The following LTN1 variants were observed in gnomAD, a reference collection of about 807,000 sequenced individuals.
LTN1 encodes E3 ubiquitin-protein ligase listerin.
A neutral mutation model predicts 201.2 loss-of-function variants in LTN1; 88 were observed. The ratio of observed to expected loss-of-function variants is 0.44; its 90% CI spans 0.37 to 0.52. The LOEUF (loss-of-function observed/expected upper bound fraction) is 0.52, where lower values mean the gene tolerates loss of function less well. Ranked by LOEUF, LTN1 falls within the 20% of genes least tolerant of loss-of-function variation. The probability of loss-of-function intolerance (pLI) is 0.00; values close to 1 mark genes in which losing one functional copy is unlikely to be tolerated. For synonymous variants in LTN1, 645 were observed against 713.5 expected (o/e 0.90, Z 1.53); for missense variants, 1,752 against 2,038.7 (o/e 0.86, Z 2.71).
rs1247647414 is a variant in LTN1 at position 28,966,481 on chromosome 21, T to A, written c.2010A>T (p.Leu670=). The change falls in exon 10 of 30, where the codon CTA becomes CTT. Residue 670 remains leucine (L), a synonymous_variant. Transcript: ENST00000361371. ...CAAAATCCTTCCTTTGATCTTCATTTAGCCAACCTATCAGTTTCTGGTATA... is the reference window on the plus strand; with the variant it reads ...CAAAATCCTTCCTTTGATCTTCATTAAGCCAACCTATCAGTTTCTGGTATA... ...QFLYQKLIGW[L]NEDQRKDFGF... is the part of the protein sequence containing the mutation. 1 of 1,614,100 alleles carries A rather than the reference T, an allele frequency of 6.2e-7. No individual in the cohort carries two copies. The highest frequency in any genetic ancestry group is 8.5e-7 in the Non-Finnish European group (1 of 1,180,038).
At chr21:28,959,972 TAA>T (rs536492491) in intron 12 of LTN1, 149 of 223,112 alleles carry the variant, frequency 6.7e-4, no homozygotes, top group Middle Eastern at 1.7e-3. Context: ...CTTTATGAGC[TAA>T]AAAAAAAAAA....
At chr21:28,983,992 T>A (rs2084677841) in intron 4 of LTN1, among the ~76,000 whole-genome samples, 1 of 152,208 alleles carries the variant, frequency 6.6e-6, no homozygotes, top group African/African-American at 2.4e-5. Flanking sequence ...GGTAACTTTT[T>A]ATGAGAAAGT....
intron 1 of LTN1, among the ~76,000 whole-genome samples, chr21:28,989,660 T>C (rs1415303130): frequency 1.3e-5 from 2 of 152,108 alleles, no homozygotes; most frequent in East Asian, 3.8e-4. Flanking sequence ...CACTTCCTTC[T>C]CCCTTCTTCA....
At position 28,971,060 on chromosome 21, in the gene LTN1, T is replaced by C. The variant is rs563268963; in HGVS notation, c.984+211A>G. Among the ~76,000 whole-genome samples the C allele has an allele frequency of 2.6e-5, 4 of 152,362 alleles. No homozygotes were observed. The East Asian group carries it at 5.8e-4, about 22-fold the overall frequency. Reference sequence around the variant, plus strand: ...TCATCTTAAATATAAAATTCAGTTATGGTGACTGCACTAGGACACATAAGG... The same window carrying C: ...TCATCTTAAATATAAAATTCAGTTACGGTGACTGCACTAGGACACATAAGG... On this transcript the variant is annotated intron_variant, in intron 7 of 29. Transcript: ENST00000361371.
In LTN1 at chr21:28,943,723, T is replaced by G; in HGVS notation, c.4164A>C (p.Pro1388=). The part of the protein sequence containing the change: ...YLQTLLNTLA[P]LLLFRARPVQ... ...CAGGCCTAGCTCTGAAGAGGAGTAA[T>G]GGGGCCAATGTATTTAACAAAGTCT... The change falls in exon 23 of 30, where the codon CCA becomes CCC. Residue 1388 remains proline, a synonymous_variant. Coordinates refer to ENST00000361371, the MANE Select transcript of LTN1 (RefSeq NM_015565.3). 3 of 1,613,840 alleles carry G rather than the reference T, an allele frequency of 1.9e-6. No individual in the cohort carries two copies. Among genetic ancestry groups the G allele is most frequent in the Non-Finnish European group, 2.5e-6 (3 of 1,179,850 alleles).
intron 9 of LTN1, among the ~76,000 whole-genome samples, chr21:28,968,348 C>T (rs1198064742): frequency 1.3e-5 from 2 of 150,596 alleles, no homozygotes; most frequent in African/African-American, 5.0e-5. Context: ...CTAGGACCCA[C>T]AGAGTGCGGA....
chr21:28,938,482 C>CA (rs2084273478), intron 25 of LTN1, among the ~76,000 whole-genome samples: 1 of 152,006 alleles, frequency 6.6e-6, no homozygotes. Flanking sequence ...TTTTTCAAAA[C>CA]AAAAAGTTAG....
Position 28,928,792 on chromosome 21 carries a change from G to C in LTN1, c.*1656C>G, listed in dbSNP as rs1481242812. On this transcript the variant is annotated 3_prime_UTR_variant, in exon 30 of 30. Coordinates refer to ENST00000361371, the MANE Select transcript of LTN1 (RefSeq NM_015565.3). ...CCATTTTCTTTTCTGCTTGGGGTTT[G>C]GGCCAGAAGCCAAGATGTACCAATA... 6.6e-6 allele frequency: 1 copy of C among 152,150 alleles called. No homozygotes were observed. Among genetic ancestry groups the C allele is most frequent in the Non-Finnish European group, 1.5e-5 (1 of 67,960 alleles). 9.4% of individuals were successfully genotyped at this position (152,150 alleles called of 1,614,324 possible). A position where few individuals can be genotyped will look rare whatever the true frequency, so the allele number is the denominator to read the frequency against.
chr21:28,991,327 A>G (rs982285696), intron 1 of LTN1, among the ~76,000 whole-genome samples: 3 of 151,954 alleles, frequency 2.0e-5, no homozygotes, highest in African/African-American at 7.2e-5. Context: ...CATTATTGGG[A>G]TAACTACAGA....
At chr21:28,964,810 T>G (rs754865720) in intron 11 of LTN1, 24 of 1,510,600 alleles carry the variant, frequency 1.6e-5, no homozygotes, top group Non-Finnish European at 2.1e-5. Flanking sequence ...ATCAAATTAT[T>G]TGCACCCCCT....
intron 6 of LTN1, among the ~76,000 whole-genome samples, chr21:28,980,310 C>T (rs1242482701): frequency 2.1e-5 from 3 of 141,714 alleles, no homozygotes; most frequent in Non-Finnish European, 4.5e-5. Flanking sequence ...TGCTGTTGGC[C>T]GTGAGTTCAA....
intron 18 of LTN1, among the ~76,000 whole-genome samples, chr21:28,951,003 C>T (rs2084377769): frequency 6.6e-6 from 1 of 152,032 alleles, no homozygotes; most frequent in Non-Finnish European, 1.5e-5. Flanking sequence ...GTGAGCTACA[C>T]AGAACACACG....
At chr21:28,934,040 A>G (rs2084234462) in intron 27 of LTN1, among the ~76,000 whole-genome samples, 1 of 152,136 alleles carries the variant, frequency 6.6e-6, no homozygotes, top group Admixed American at 6.5e-5. Flanking sequence ...CCCACCTCCA[A>G]GTGATTTTCT....
intron 18 of LTN1, among the ~76,000 whole-genome samples, chr21:28,948,872 T>C (rs1255377506): frequency 6.6e-6 from 1 of 152,216 alleles, no homozygotes; most frequent in Non-Finnish European, 1.5e-5. Flanking sequence ...ATTCTGTGTA[T>C]GTATAAACAC....
At chr21:28,960,939 A>AC (rs60536226) in intron 11 of LTN1, 833 of 190,722 alleles carry the variant, frequency 4.4e-3, no homozygotes, top group African/African-American at 0.025. Flanking sequence ...ATATTCCCCC[A>AC]CCCCCCCCTT....
At chr21:28,979,484 A>C (rs756791087) in intron 6 of LTN1, among the ~76,000 whole-genome samples, 1 of 152,234 alleles carries the variant, frequency 6.6e-6, no homozygotes, top group South Asian at 2.1e-4. Flanking sequence ...TCAGATGTAC[A>C]TACAGGAACA....
intron 18 of LTN1, among the ~76,000 whole-genome samples, chr21:28,950,423 C>T (rs956617523): frequency 6.6e-6 from 1 of 152,012 alleles, no homozygotes; most frequent in African/African-American, 2.4e-5. Context: ...TAGCTAATTC[C>T]GTATTACTTT....
intron 1 of LTN1, 148 bp downstream of exon 1, chr21:28,992,616 G>A (rs894591763): frequency 6.4e-6 from 5 of 777,384 alleles, no homozygotes; most frequent in Non-Finnish European, 1.0e-5. Flanking sequence ...CCGCTCTCAG[G>A]GACGCACACA....
chr21:28,958,245 T>G lies in LTN1; in HGVS notation c.2747+141A>C, dbSNP rs2084442570. On this transcript the variant is annotated intron_variant, in intron 14 of 29. Coordinates refer to ENST00000361371, the MANE Select transcript of LTN1 (RefSeq NM_015565.3). ...GGAGGTCTCAACTGATCCTCCCACC[T>G]CAGCCTACTGAGTAGCTGGGATTAT... 3 of 717,764 alleles carry G rather than the reference T, an allele frequency of 4.2e-6. No individual in the cohort carries two copies. In the South Asian group the frequency reaches 6.9e-5, roughly 17 times the overall value. The allele number at this position is 717,764 out of a possible 1,614,324, so 44.5% of individuals were successfully genotyped here.
Sources: allele counts gnomAD v4.1 joint callset (sites outside exome capture counted in the v4.1 genomes callset), GRCh38; gene constraint gnomAD v4.1.1; transcripts MANE v1.5; gene names NCBI Gene and HGNC (gene_info 2026-07-23, HGNC 2026-07-21).